Variants in DNAJC5 observed in about 807,000 individuals in gnomAD.
DNAJC5 encodes the protein DnaJ heat shock protein family (Hsp40) member C5.
Under a neutral mutation model 23.2 loss-of-function variants are expected in DNAJC5, and 1 was observed. That is an observed-to-expected ratio of 0.04 (90% CI 0.02 to 0.20). DNAJC5 has a LOEUF of 0.20. Among genes scored for constraint, DNAJC5 ranks in the 10% least tolerant of loss-of-function variants. The pLI is 1.00. For missense variants in DNAJC5, 180 were observed against 267.0 expected (o/e 0.67, Z 2.27); for synonymous variants, 136 against 120.0 (o/e 1.13, Z -0.87).
chr20:63,913,757 T>C (rs146238947), intron 1 of DNAJC5, among the ~76,000 whole-genome samples: 32 of 152,156 alleles, frequency 2.1e-4, no homozygotes, highest in African/African-American at 7.7e-4. Flanking sequence ...ATTTTGTATT[T>C]TTAGTACAGA....
chr20:63,910,076 C>T (rs184957887), intron 1 of DNAJC5, among the ~76,000 whole-genome samples: 174 of 152,330 alleles, frequency 1.1e-3, no homozygotes, highest in African/African-American at 4.0e-3. Context: ...GCTGCGGTAA[C>T]GGAAGACCAC....
At chr20:63,919,291 A>G in intron 1 of DNAJC5, 1 of 439,080 alleles carries the variant, frequency 2.3e-6, no homozygotes, top group South Asian at 1.6e-5. Flanking sequence ...CCCAGCTCTG[A>G]GAACAGAGCG....
At chr20:63,912,941 A>C (rs6122211) in intron 1 of DNAJC5, among the ~76,000 whole-genome samples, 30,526 of 151,950 alleles carry the variant, frequency 0.2, 4,630 homozygotes, top group East Asian at 0.58. Context: ...CACAGATTTT[A>C]AATTAAGATT....
chr20:63,901,788 T>C (rs915330536), intron 1 of DNAJC5, among the ~76,000 whole-genome samples: 6 of 152,226 alleles, frequency 3.9e-5, no homozygotes, highest in Non-Finnish European at 7.3e-5. Flanking sequence ...TTGTGTTTTA[T>C]TGTAAGAAGG....
In DNAJC5 at chr20:63,931,934, G is replaced by C. The variant is rs2053676244; in HGVS notation, c.*366G>C. 2.7e-6 allele frequency: 1 copy of C among 364,058 alleles called. No homozygotes were observed. Among genetic ancestry groups the C allele is most frequent in the Non-Finnish European group, 5.3e-6 (1 of 187,224 alleles). 22.6% of individuals were successfully genotyped at this position (364,058 alleles called of 1,614,324 possible). A position where few individuals can be genotyped will look rare whatever the true frequency, so the allele number is the denominator to read the frequency against. ...GGGGTGACTGCAGCCGGTCAGGTGG[G>C]CGAGGAGAAGGGGGGCTGCCCCTTT... On this transcript the variant is annotated 3_prime_UTR_variant, in exon 5 of 5. Transcript: ENST00000360864. The surrounding 1 kb of genome is among the most constrained non-coding windows in gnomAD (Gnocchi z 9.6).
intron 1 of DNAJC5, among the ~76,000 whole-genome samples, chr20:63,904,865 G>A (rs564664921): frequency 6.6e-4 from 100 of 150,898 alleles, no homozygotes; most frequent in African/African-American, 2.1e-3. Context: ...GTGCAACGGC[G>A]CGATCTCGGC....
At chr20:63,916,483 C>T (rs1389307659) in intron 1 of DNAJC5, among the ~76,000 whole-genome samples, 1 of 152,178 alleles carries the variant, frequency 6.6e-6, no homozygotes, top group Non-Finnish European at 1.5e-5. Flanking sequence ...GTCACAAGAT[C>T]ACATGCTTCA....
At chr20:63,906,522 C>T (rs909180897) in intron 1 of DNAJC5, among the ~76,000 whole-genome samples, 5 of 151,908 alleles carry the variant, frequency 3.3e-5, no homozygotes, top group South Asian at 2.1e-4. Flanking sequence ...CGCTGGCTCA[C>T]GCCTGTAATC....
chr20:63,904,282 A>ACAAAATTACCCTTTTTTCCC (rs1346690665), intron 1 of DNAJC5, among the ~76,000 whole-genome samples: 1 of 152,228 alleles, frequency 6.6e-6, no homozygotes, highest in Non-Finnish European at 1.5e-5. Flanking sequence ...CACAGGATTT[A>ACAAAATTACCCTTTTTTCCC]CAAAATTACC....
At position 63,895,157 on chromosome 20, in the gene DNAJC5, C is replaced by CTGCCGCTGCCGCTGCCGG. The variant is rs941287791; in HGVS notation, c.-171_-154dup. On this transcript the variant is annotated 5_prime_UTR_variant, in exon 1 of 5. Coordinates refer to ENST00000360864, the MANE Select transcript of DNAJC5 (RefSeq NM_025219.3). The stretch of plus-strand genomic sequence containing the variant: ...GTGAGCGTGCTCGTCTCCGCTGCCG[C>CTGCCGCTGCCGCTGCCGG]TGCCGCTGCCGCTGCCGGTGCCGCA... 1.4e-4 allele frequency: 21 copies of CTGCCGCTGCCGCTGCCGG among 154,160 alleles called. No individual in the cohort carries two copies. Among genetic ancestry groups the CTGCCGCTGCCGCTGCCGG allele is most frequent in the African/African-American group, 4.1e-4 (17 of 41,396 alleles). The allele number at this position is 154,160 out of a possible 1,614,324, so 9.5% of individuals were successfully genotyped here.
intron 1 of DNAJC5, among the ~76,000 whole-genome samples, chr20:63,904,693 A>G (rs1309400598): frequency 6.6e-6 from 1 of 152,256 alleles, no homozygotes; most frequent in Non-Finnish European, 1.5e-5. Context: ...ACTCCAGAAC[A>G]GCTGGCTGAC....
At chr20:63,930,820 G>A in intron 3 of DNAJC5, 31 bp from the exon 4 acceptor site, 1 of 1,611,112 alleles carries the variant, frequency 6.2e-7, no homozygotes. Context: ...GGCCTCGGAG[G>A]CCATGCAACA....
chr20:63,904,375 C>T (rs2053433883), intron 1 of DNAJC5, among the ~76,000 whole-genome samples: 1 of 152,140 alleles, frequency 6.6e-6, no homozygotes, highest in African/African-American at 2.4e-5. Flanking sequence ...GTTGGGTAAC[C>T]CTAACTGATT....
intron 1 of DNAJC5, among the ~76,000 whole-genome samples, chr20:63,922,157 C>T: frequency 6.6e-6 from 1 of 152,030 alleles, no homozygotes; most frequent in Non-Finnish European, 1.5e-5. Flanking sequence ...AACTCCCGGA[C>T]TCATTACCCC....
At chr20:63,915,527 G>T (rs539159958) in intron 1 of DNAJC5, among the ~76,000 whole-genome samples, 3 of 152,166 alleles carry the variant, frequency 2.0e-5, no homozygotes, top group Non-Finnish European at 4.4e-5. Context: ...CCAGTGAAGG[G>T]TCGGTGTCCT....
At position 63,935,880 on chromosome 20, in the gene DNAJC5, C is replaced by CA. The variant is rs1200139950; in HGVS notation, c.*4313dup. 6.6e-6 allele frequency: 1 copy of CA among 152,246 alleles called. No individual in the cohort carries two copies. Among genetic ancestry groups the CA allele is most frequent in the African/African-American group, 2.4e-5 (1 of 41,464 alleles). The allele number at this position is 152,246 out of a possible 1,614,324, so 9.4% of individuals were successfully genotyped here. On this transcript the variant is annotated 3_prime_UTR_variant, in exon 5 of 5. Transcript: ENST00000360864. ...CCTGGAATCCGACCGTGTTGGGGTGCAGGCGCTGTCAGACTCCGGCTGATC... is the reference window on the plus strand; with the variant it reads ...CCTGGAATCCGACCGTGTTGGGGTGCAAGGCGCTGTCAGACTCCGGCTGATC...
At chr20:63,897,633 T>A (rs2053383692) in intron 1 of DNAJC5, among the ~76,000 whole-genome samples, 1 of 152,218 alleles carries the variant, frequency 6.6e-6, no homozygotes, top group Non-Finnish European at 1.5e-5. Flanking sequence ...AAATTTTGTC[T>A]TTGATTACCA....
chr20:63,911,267 C>T (rs145674588), intron 1 of DNAJC5, among the ~76,000 whole-genome samples: 224 of 152,194 alleles, frequency 1.5e-3, no homozygotes, highest in Non-Finnish European at 2.4e-3. Flanking sequence ...TTCAGGAAAC[C>T]GTGGTTCTGG....
chr20:63,904,338 C>T (rs1045667316), intron 1 of DNAJC5, among the ~76,000 whole-genome samples: 5 of 152,170 alleles, frequency 3.3e-5, no homozygotes, highest in Non-Finnish European at 4.4e-5. Context: ...TCTGTTGGTG[C>T]TGTTTTCTCT....
Sources: gnomAD v4.1 joint callset for allele counts (sites outside exome capture counted in the v4.1 genomes callset) on GRCh38, gnomAD v4.1.1 for gene constraint, Gnocchi (gnomAD v3.1) non-coding constraint, MANE v1.5 for transcripts, NCBI Gene and HGNC (gene_info 2026-07-23, HGNC 2026-07-21) for gene names.